TMTC4: variants seen among roughly 807,000 people sequenced by gnomAD.
TMTC4 encodes protein O-mannosyl-transferase TMTC4.
A neutral mutation model predicts 86.0 loss-of-function variants in TMTC4; 65 were observed. That is an observed-to-expected ratio of 0.76 (90% CI 0.62 to 0.93). The LOEUF is 0.93. Ranked by LOEUF, TMTC4 falls within the 40% of genes least tolerant of loss-of-function variation. TMTC4 has a pLI of 0.00. For missense variants in TMTC4, 866 were observed against 948.1 expected, an observed-to-expected ratio of 0.91 and a Z score of 1.14; for synonymous variants, 379 against 382.5, an observed-to-expected ratio of 0.99 and a Z score of 0.11.
chr13:100,664,490 C>T (rs985779747), intron 3 of TMTC4, among the ~76,000 whole-genome samples, 154 bp from the exon 4 acceptor site: 2 of 152,146 alleles, frequency 1.3e-5, no homozygotes, highest in African/African-American at 4.8e-5. Flanking sequence ...TACACATGGG[C>T]TCACCCCACC....
rs564364331 is a variant in TMTC4, at chr13:100,654,039, G to A, written c.640+2342C>T. 3.3e-5 allele frequency among the ~76,000 whole-genome samples: 5 copies of A among 152,294 alleles called. No individual in the cohort carries two copies. The East Asian group carries it at 9.6e-4, about 29-fold the overall frequency. ...TGAACGCTTTCCTTTTCCTCAAGAG[G>A]GTTCATGTTAACAAGAGAACAGATC... On this transcript the variant is annotated intron_variant, in intron 6 of 18. Coordinates refer to ENST00000342624, the MANE Select transcript of TMTC4 (RefSeq NM_032813.5).
At chr13:100,652,094 G>C (rs535501960) in intron 6 of TMTC4, among the ~76,000 whole-genome samples, 1 of 152,278 alleles carries the variant, frequency 6.6e-6, no homozygotes, top group African/African-American at 2.4e-5. Flanking sequence ...GAACCTGGGA[G>C]GTGGAGGTTG....
At chr13:100,653,930 T>C (rs1179931158) in intron 6 of TMTC4, among the ~76,000 whole-genome samples, 1 of 152,160 alleles carries the variant, frequency 6.6e-6, no homozygotes, top group Non-Finnish European at 1.5e-5. Context: ...TGTAGTTTTG[T>C]ATTTTCCAAA....
At chr13:100,625,482 TAAGA>T in intron 15 of TMTC4, 49 bp downstream of exon 15, 1 of 1,605,350 alleles carries the variant, frequency 6.2e-7, no homozygotes. Flanking sequence ...TTATTATAAA[TAAGA>T]AAAATAACCC....
In TMTC4 at chr13:100,635,102, G is replaced by C. The variant is rs748039809; in HGVS notation, c.1296C>G (p.Val432=). ...FRVGFVVAER[V]LYLPSVGYCV... Reference sequence around the variant, plus strand: ...AGTACCCAACGCTGGGGAGGTAGAGGACACGCTCTGCGACCACGAAGCCCA... The same window carrying C: ...AGTACCCAACGCTGGGGAGGTAGAGCACACGCTCTGCGACCACGAAGCCCA... The change falls in exon 11 of 19, where the codon GTC becomes GTG. Residue 432 remains valine (V), a synonymous_variant. Transcript: ENST00000342624. The C allele has an allele frequency of 1.9e-6, 3 of 1,614,118 alleles. No homozygotes were observed. The Admixed American group carries it at 5.0e-5, about 27-fold the overall frequency.
At chr13:100,625,016 T>C (rs1880228256) in intron 15 of TMTC4, 1 of 154,196 alleles carries the variant, frequency 6.5e-6, no homozygotes, top group Non-Finnish European at 1.4e-5. Context: ...CGTTATTTTC[T>C]ATTTCCACCA....
At chr13:100,661,616 A>G (rs893851856) in intron 5 of TMTC4, among the ~76,000 whole-genome samples, 17 of 152,124 alleles carry the variant, frequency 1.1e-4, no homozygotes, top group African/African-American at 3.9e-4. Context: ...TTATAACTAA[A>G]TTTTTACACA....
At chr13:100,659,565 C>T (rs933136910) in intron 5 of TMTC4, among the ~76,000 whole-genome samples, 2 of 152,026 alleles carry the variant, frequency 1.3e-5, no homozygotes, top group South Asian at 2.1e-4. Flanking sequence ...CTCAGGGAAG[C>T]GCTGGGGTCC....
At chr13:100,674,297 T>A in intron 1 of TMTC4, 3 of 978,454 alleles carry the variant, frequency 3.1e-6, no homozygotes, top group Non-Finnish European at 3.6e-6. Context: ...GCGGCCCGGC[T>A]GTGTCCAGCC....
rs564546476 is a variant in TMTC4 at position 100,634,900 on chromosome 13, T to G, written c.1411A>C (p.Ile471Leu). The change falls in exon 12 of 19, where the codon ATC becomes CTC. Residue 471 changes from isoleucine (I) to leucine (L), a missense_variant. Transcript: ENST00000342624. Reference sequence around the variant, plus strand: ...CGCAGCACACATCTCAGCGTGTTGATGAATAAGATTCCCAGCACGACAGCG... The same window carrying G: ...CGCAGCACACATCTCAGCGTGTTGAGGAATAAGATTCCCAGCACGACAGCG... ...IAAVVLGILF[I>L]NTLRCVLRSG... 4 of 1,614,160 alleles carry G rather than the reference T, an allele frequency of 2.5e-6. No homozygotes were observed. The South Asian group carries it at 4.4e-5, about 18-fold the overall frequency.
chr13:100,625,928 T>G (rs900128917), intron 13 of TMTC4, 36 bp from the exon 14 acceptor site: 1 of 1,603,068 alleles, frequency 6.2e-7, no homozygotes, highest in Non-Finnish European at 8.5e-7. Flanking sequence ...GACCATTAAA[T>G]GCTCAATAGT....
Position 100,629,140 on chromosome 13 carries a change from CTCTG to C in TMTC4, c.1507-2994_1507-2991del, listed in dbSNP as rs201741378. Among the ~76,000 whole-genome samples, 872 of 115,680 alleles carry C rather than the reference CTCTG, an allele frequency of 7.5e-3. 5 individuals carry two copies. Among genetic ancestry groups the C allele is most frequent in the South Asian group, 0.023 (90 of 3,874 alleles). The allele number at this position is 115,680 out of a possible 152,430, so 75.9% of individuals were successfully genotyped here. On this transcript the variant is annotated intron_variant, in intron 12 of 18. Coordinates refer to ENST00000342624, the MANE Select transcript of TMTC4 (RefSeq NM_032813.5). ...CTTCAGCCAGGGCGACAGAGCAAGA[CTCTG>C]TCTCACAAAAAGAAAAAGAAAAAGT...
At position 100,625,607 on chromosome 13, in the gene TMTC4, T is replaced by G; in HGVS notation, c.1764A>C (p.Ala588=). 1 of 1,614,230 alleles carries G rather than the reference T, an allele frequency of 6.2e-7. No individual in the cohort carries two copies. Among genetic ancestry groups the G allele is most frequent in the Non-Finnish European group, 8.5e-7 (1 of 1,180,052 alleles). The part of the protein sequence containing the change: ...VQNSLKRFEA[A]EQSYRTAIKH... ...TAATTGCTGTCCGGTAACTTTGCTC[T>G]GCTGCTTCAAACCGTTTCAGGCTAT... Residue 588 remains alanine (A), a synonymous_variant, in exon 15 of 19, where the codon GCA becomes GCC. Transcript: ENST00000342624.
At chr13:100,642,850 C>A (rs1194414380) in intron 6 of TMTC4, among the ~76,000 whole-genome samples, 2 of 152,164 alleles carry the variant, frequency 1.3e-5, no homozygotes, top group Non-Finnish European at 2.9e-5. Flanking sequence ...CAGCTCCAAC[C>A]CCTACCAAAG....
chr13:100,631,580 A>T (rs1216397165), intron 12 of TMTC4, among the ~76,000 whole-genome samples: 2 of 152,340 alleles, frequency 1.3e-5, no homozygotes, highest in East Asian at 3.9e-4. Context: ...ATTGTCTACC[A>T]TATGCAAGGC....
chr13:100,655,008 C>T (rs912350677), intron 6 of TMTC4, among the ~76,000 whole-genome samples: 4 of 138,396 alleles, frequency 2.9e-5, no homozygotes, highest in Non-Finnish European at 4.6e-5. Context: ...AGAAAAGCCA[C>T]AACGCCTATT....
At chr13:100,664,475 C>T (rs963625879) in intron 3 of TMTC4, 139 bp from the exon 4 acceptor site, 129 of 576,534 alleles carry the variant, frequency 2.2e-4, no homozygotes, top group Admixed American at 1.5e-3. Context: ...GTTGATATCT[C>T]GAAATACACA....
At chr13:100,663,800 G>C (rs1480681818) in intron 4 of TMTC4, among the ~76,000 whole-genome samples, 1 of 152,168 alleles carries the variant, frequency 6.6e-6, no homozygotes, top group Non-Finnish European at 1.5e-5. Flanking sequence ...TCTATTAAGT[G>C]CAAGTGGCTC....
intron 6 of TMTC4, among the ~76,000 whole-genome samples, chr13:100,642,545 ACT>A (rs1883158225): frequency 6.6e-6 from 1 of 152,128 alleles, no homozygotes. Context: ...TTTGGGAGGC[ACT>A]GTCATGAAGC....
Sources: allele counts gnomAD v4.1 joint callset (sites outside exome capture counted in the v4.1 genomes callset), GRCh38; gene constraint gnomAD v4.1.1; transcripts MANE v1.5; gene names NCBI Gene and HGNC (gene_info 2026-07-23, HGNC 2026-07-21).